The following ASTN2 variants were observed in gnomAD, a reference collection of about 807,000 sequenced individuals.
ASTN2 encodes astrotactin-2.
In ASTN2, 54 loss-of-function variants were observed where a neutral mutation model predicts 139.8. The ratio of observed to expected loss-of-function variants is 0.39; its 90% CI spans 0.31 to 0.48. ASTN2 has a LOEUF of 0.48. Ranked by LOEUF, ASTN2 falls within the 20% of genes least tolerant of loss-of-function variation. The probability of loss-of-function intolerance (pLI) is 0.95; values close to 1 mark genes in which losing one functional copy is unlikely to be tolerated. For synonymous variants in ASTN2, 756 were observed against 719.5 expected (o/e 1.05, Z -0.81); for missense variants, 1,565 against 1,725.1 (o/e 0.91, Z 1.64).
chr9:117,125,723 G>A (rs2132824133), intron 4 of ASTN2, among the ~76,000 whole-genome samples: 1 of 152,160 alleles, frequency 6.6e-6, no homozygotes, highest in Non-Finnish European at 1.5e-5. Context: ...GTCAGGGCAG[G>A]TTGTCACTAT....
chr9:117,040,181 A>G (rs1446950740), intron 5 of ASTN2, among the ~76,000 whole-genome samples: 2 of 152,240 alleles, frequency 1.3e-5, no homozygotes, highest in African/African-American at 2.4e-5. Flanking sequence ...GCTTCTTATG[A>G]TTCCTTTGGG....
chr9:116,821,853 A>G (rs1831492922), intron 11 of ASTN2, among the ~76,000 whole-genome samples: 1 of 152,170 alleles, frequency 6.6e-6, no homozygotes, highest in African/African-American at 2.4e-5. Flanking sequence ...CTGTGGAGAC[A>G]GATGGCTATT....
chr9:117,051,901 C>A (rs569911415), intron 5 of ASTN2, among the ~76,000 whole-genome samples: 2 of 152,180 alleles, frequency 1.3e-5, no homozygotes, highest in East Asian at 1.9e-4. Flanking sequence ...TGTTTCCTAC[C>A]TTAACCAATA....
chr9:116,673,336 A>G (rs1333579015), intron 16 of ASTN2, among the ~76,000 whole-genome samples: 4 of 152,200 alleles, frequency 2.6e-5, no homozygotes, highest in African/African-American at 4.8e-5. Flanking sequence ...GCTCCCAACA[A>G]TCCTGTGTTA....
At chr9:117,011,287 G>C (rs1158071599) in intron 6 of ASTN2, among the ~76,000 whole-genome samples, 1 of 152,172 alleles carries the variant, frequency 6.6e-6, no homozygotes, top group Non-Finnish European at 1.5e-5. Context: ...AATCCCCAAT[G>C]TGGTGATATT....
intron 20 of ASTN2, among the ~76,000 whole-genome samples, chr9:116,452,159 T>A (rs553765968): frequency 6.6e-6 from 1 of 152,368 alleles, no homozygotes; most frequent in East Asian, 1.9e-4. Context: ...GAACACAGAA[T>A]GCCCAATTAT....
chr9:117,414,796 A>G lies in ASTN2; in HGVS notation c.143T>C (p.Leu48Pro), dbSNP rs1831282463. The G allele has an allele frequency of 2.4e-6, 3 of 1,236,786 alleles. No individual in the cohort carries two copies. The highest frequency in any genetic ancestry group is 2.0e-6 in the Non-Finnish European group (2 of 989,598). The allele number at this position is 1,236,786 out of a possible 1,614,324, so 76.6% of individuals were successfully genotyped here. A position where few individuals can be genotyped will look rare whatever the true frequency, so the allele number is the denominator to read the frequency against. The change falls in exon 1 of 23, where the codon CTG becomes CCG. Residue 48 changes from leucine to proline, a missense_variant. Around this residue, in one of 4 missense-constraint regions of ASTN2, gnomAD observed 596 missense variants for 576.8 expected, o/e 1.03. Transcript: ENST00000313400. This position sits in a 1 kb window ranked among gnomAD's most constrained non-coding sequence, Gnocchi z 4.2. Reference protein sequence around the residue: ...FLLLLPPPPLLAGATAAASRE... With the variant: ...FLLLLPPPPLPAGATAAASRE... ...CGAGGCAGCGGCGGTGGCGCCGGCCAGCAGCGGCGGCGGCGGCAGCAGGAG... is the reference window on the plus strand; with the variant it reads ...CGAGGCAGCGGCGGTGGCGCCGGCCGGCAGCGGCGGCGGCGGCAGCAGGAG...
At chr9:117,367,420 G>A in intron 1 of ASTN2, among the ~76,000 whole-genome samples, 1 of 152,228 alleles carries the variant, frequency 6.6e-6, no homozygotes, top group African/African-American at 2.4e-5. Context: ...GTGACCATTT[G>A]CTATTTACTA....
chr9:116,813,846 TC>T (rs1249283874), intron 12 of ASTN2, among the ~76,000 whole-genome samples: 1 of 151,746 alleles, frequency 6.6e-6, no homozygotes, highest in Non-Finnish European at 1.5e-5. Context: ...ACCAGCCTGG[TC>T]AACATGGCGA....
At chr9:116,910,335 G>A (rs12005281) in intron 10 of ASTN2, among the ~76,000 whole-genome samples, 4,589 of 152,184 alleles carry the variant, frequency 0.03, 214 homozygotes, top group African/African-American at 0.099. Context: ...ATTTCGGGTC[G>A]GATAATCCTT....
intron 13 of ASTN2, among the ~76,000 whole-genome samples, chr9:116,779,501 AT>A (rs35487105): frequency 0.89 from 131,927 of 148,760 alleles, 58,984 homozygotes; most frequent in East Asian, 1. Flanking sequence ...AGTCTCAGAT[AT>A]TTTTTTTTTT....
chr9:117,218,360 A>G (rs1832402100), intron 2 of ASTN2, among the ~76,000 whole-genome samples: 1 of 152,208 alleles, frequency 6.6e-6, no homozygotes, highest in Non-Finnish European at 1.5e-5. Flanking sequence ...CTCAGCTTCC[A>G]TCACCTCCAA....
At chr9:116,993,054 C>A (rs1836903285) in intron 7 of ASTN2, among the ~76,000 whole-genome samples, 1 of 152,170 alleles carries the variant, frequency 6.6e-6, no homozygotes, top group South Asian at 2.1e-4. Context: ...CAGAGTGATA[C>A]TCTTAAAATA....
At chr9:116,646,793 T>C (rs1394684709) in intron 17 of ASTN2, among the ~76,000 whole-genome samples, 1 of 152,202 alleles carries the variant, frequency 6.6e-6, no homozygotes, top group Non-Finnish European at 1.5e-5. Context: ...AGTGAGAAGA[T>C]AGTGCCCATG....
chr9:116,555,322 C>A (rs1221022650), intron 19 of ASTN2, among the ~76,000 whole-genome samples: 1 of 152,156 alleles, frequency 6.6e-6, no homozygotes, highest in African/African-American at 2.4e-5. Context: ...AGGCCAGCTG[C>A]ACAGGCTGGC....
intron 17 of ASTN2, among the ~76,000 whole-genome samples, chr9:116,623,233 G>A (rs1247105376): frequency 6.6e-6 from 1 of 150,776 alleles, no homozygotes; most frequent in Non-Finnish European, 1.5e-5. Flanking sequence ...AGGAACTTGA[G>A]CTTGTGGAAA....
chr9:116,679,298 A>C (rs1297210094), intron 16 of ASTN2, among the ~76,000 whole-genome samples: 2 of 152,244 alleles, frequency 1.3e-5, no homozygotes, highest in East Asian at 3.9e-4. Flanking sequence ...TTTCTAGCCT[A>C]ATCTTTTAGA....
chr9:116,851,427 T>C (rs1210699247), intron 11 of ASTN2, among the ~76,000 whole-genome samples: 1 of 152,074 alleles, frequency 6.6e-6, no homozygotes, highest in Non-Finnish European at 1.5e-5. Context: ...AATAATGTTT[T>C]ACATATTTTT....
At chr9:116,600,855 C>T (rs1363154829) in intron 19 of ASTN2, among the ~76,000 whole-genome samples, 2 of 152,042 alleles carry the variant, frequency 1.3e-5, no homozygotes, top group Non-Finnish European at 2.9e-5. Flanking sequence ...CCATCCCACC[C>T]GCCCCTCAAT....
Sources: gnomAD v4.1 joint callset for allele counts (sites outside exome capture counted in the v4.1 genomes callset) on GRCh38, gnomAD v4.1.1 for gene constraint, gnomAD v4.1.1 regional missense constraint, Gnocchi (gnomAD v3.1) non-coding constraint, MANE v1.5 for transcripts, NCBI Gene and HGNC (gene_info 2026-07-23, HGNC 2026-07-21) for gene names.